Variants in RGS6 observed in about 807,000 individuals in gnomAD.
RGS6 encodes the protein regulator of G protein signaling 6, also known as regulator of G-protein signaling 6.
RGS6 carries 30 observed loss-of-function variants against 78.5 expected under a neutral mutation model. The observed-to-expected ratio is 0.38, with a 90% CI of 0.29 to 0.52. The LOEUF is 0.52. Among genes scored for constraint, RGS6 ranks in the 20% least tolerant of loss-of-function variants. RGS6 has a pLI of 0.85. For synonymous variants in RGS6, 206 were observed against 206.0 expected (o/e 1.00, Z 0.00); for missense variants, 495 against 609.7 (o/e 0.81, Z 1.98).
intron 17 of RGS6, among the ~76,000 whole-genome samples, chr14:72,557,218 T>C (rs2097592118): frequency 6.7e-6 from 1 of 149,854 alleles, no homozygotes; most frequent in Non-Finnish European, 1.5e-5. Context: ...TGATAAGAAA[T>C]AGAGAATTTA....
At chr14:72,556,991 C>T (rs1428463915) in intron 17 of RGS6, among the ~76,000 whole-genome samples, 1 of 152,164 alleles carries the variant, frequency 6.6e-6, no homozygotes, top group Non-Finnish European at 1.5e-5. Flanking sequence ...AGGAAGGTTG[C>T]CAAGGCCCTA....
chr14:72,013,643 C>T (rs923095912), intron 2 of RGS6, among the ~76,000 whole-genome samples: 10 of 152,064 alleles, frequency 6.6e-5, no homozygotes, highest in Admixed American at 5.9e-4. Flanking sequence ...GCTCTTGGGC[C>T]GTGGTAGGCA....
the RGS6 span, among the ~76,000 whole-genome samples, chr14:71,878,685 A>G: frequency 6.6e-6 from 1 of 152,110 alleles, no homozygotes; most frequent in African/African-American, 2.4e-5. Context: ...GGCTGCACCC[A>G]CTGTCCTGCA....
At chr14:72,157,376 CG>C (rs1340761313) in intron 2 of RGS6, among the ~76,000 whole-genome samples, 14 of 152,118 alleles carry the variant, frequency 9.2e-5, no homozygotes, top group African/African-American at 2.7e-4. Flanking sequence ...TTGGGTTCCT[CG>C]GTGGACATGT....
chr14:72,076,525 A>C (rs576938802), intron 2 of RGS6, among the ~76,000 whole-genome samples: 1 of 152,164 alleles, frequency 6.6e-6, no homozygotes, highest in Admixed American at 6.5e-5. Context: ...ATTCATATAC[A>C]TATCTATACA....
At chr14:72,247,314 A>T (rs548883504) in intron 2 of RGS6, among the ~76,000 whole-genome samples, 3 of 152,288 alleles carry the variant, frequency 2.0e-5, no homozygotes, top group East Asian at 3.9e-4. Context: ...CAACTTTTGG[A>T]AGTATCCCAT....
At chr14:72,054,884 T>A (rs942905432) in intron 2 of RGS6, among the ~76,000 whole-genome samples, 25 of 152,234 alleles carry the variant, frequency 1.6e-4, no homozygotes, top group Non-Finnish European at 1.5e-5. Flanking sequence ...GCTTATATGA[T>A]CTCTTGAGAC....
intron 3 of RGS6, among the ~76,000 whole-genome samples, chr14:72,355,443 C>T (rs2080071938): frequency 6.6e-6 from 1 of 152,136 alleles, no homozygotes. Flanking sequence ...GATCCGCCCA[C>T]CTTGGCCTCC....
At chr14:72,349,791 C>T (rs1447737565) in intron 2 of RGS6, among the ~76,000 whole-genome samples, 6 of 152,140 alleles carry the variant, frequency 3.9e-5, no homozygotes, top group Non-Finnish European at 5.9e-5. Flanking sequence ...AAATCCAGCC[C>T]GCAGCAGCAG....
At chr14:72,435,949 T>C (rs760627650) in intron 3 of RGS6, among the ~76,000 whole-genome samples, 4 of 152,172 alleles carry the variant, frequency 2.6e-5, no homozygotes, top group Non-Finnish European at 5.9e-5. Flanking sequence ...GACATGGACA[T>C]CGGGGGGACA....
At chr14:72,348,921 C>T (rs902196512) in intron 2 of RGS6, among the ~76,000 whole-genome samples, 3 of 152,046 alleles carry the variant, frequency 2.0e-5, no homozygotes, top group African/African-American at 7.2e-5. Flanking sequence ...AATCCCAGCA[C>T]TTTGGGAGGC....
At chr14:71,974,280 T>G (rs1015586715) in intron 2 of RGS6, among the ~76,000 whole-genome samples, 3 of 152,226 alleles carry the variant, frequency 2.0e-5, no homozygotes, top group East Asian at 1.9e-4. Flanking sequence ...GGATTACTTT[T>G]AAAAGTTCTG....
At chr14:71,905,078 GT>G in the RGS6 span, among the ~76,000 whole-genome samples, 1 of 152,132 alleles carries the variant, frequency 6.6e-6, no homozygotes, top group African/African-American at 2.4e-5. Context: ...GAAAATCAGA[GT>G]CCTAGCACTA....
intron 2 of RGS6, among the ~76,000 whole-genome samples, chr14:72,149,818 T>C (rs1178257515): frequency 6.6e-6 from 1 of 152,238 alleles, no homozygotes; most frequent in Non-Finnish European, 1.5e-5. Context: ...CAAATGTCTT[T>C]AGTTGGGCTT....
At chr14:72,094,821 C>G (rs937292169) in intron 2 of RGS6, among the ~76,000 whole-genome samples, 3 of 152,136 alleles carry the variant, frequency 2.0e-5, no homozygotes, top group African/African-American at 7.2e-5. Flanking sequence ...AATGCTAAAG[C>G]AAAGCTGAGA....
At position 72,331,625 on chromosome 14, in the gene RGS6, C is replaced by G. The variant is rs1040786893; in HGVS notation, c.85-20470C>G. Among the ~76,000 whole-genome samples the G allele has an allele frequency of 3.9e-5, 6 of 152,130 alleles. No individual in the cohort carries two copies. The East Asian group carries it at 1.2e-3, about 29-fold the overall frequency. On this transcript the variant is annotated intron_variant, in intron 2 of 17. Transcript: ENST00000553525. Reference sequence around the variant, plus strand: ...CTGTCCTTGTGTCATCATCCTCTCTCTCTCTCTCTCCATTCCAGTCATTCA... The same window carrying G: ...CTGTCCTTGTGTCATCATCCTCTCTGTCTCTCTCTCCATTCCAGTCATTCA...
intron 2 of RGS6, among the ~76,000 whole-genome samples, chr14:72,351,766 GA>G (rs2079147042): frequency 6.6e-6 from 1 of 152,262 alleles, no homozygotes; most frequent in African/African-American, 2.4e-5. Flanking sequence ...ACCCAATTTG[GA>G]AAAGAAGGAG....
intron 2 of RGS6, among the ~76,000 whole-genome samples, chr14:72,196,208 T>C (rs943926388): frequency 2.0e-5 from 3 of 152,114 alleles, no homozygotes; most frequent in Non-Finnish European, 4.4e-5. Flanking sequence ...AGAGGAACAT[T>C]GAAGACCACT....
the RGS6 span, among the ~76,000 whole-genome samples, chr14:72,571,571 GGAAA>G: frequency 6.6e-5 from 10 of 152,120 alleles, no homozygotes; most frequent in East Asian, 1.3e-3. Context: ...ATTCAATAGG[GGAAA>G]GAATCATCTT....
Sources: allele counts gnomAD v4.1 joint callset (sites outside exome capture counted in the v4.1 genomes callset), GRCh38; gene constraint gnomAD v4.1.1; transcripts MANE v1.5; gene names NCBI Gene and HGNC (gene_info 2026-07-23, HGNC 2026-07-21).